Variants in PFDN1 observed in about 807,000 individuals in gnomAD.
PFDN1 encodes prefoldin subunit 1, also known as prefoldin 1.
PFDN1 carries 6 observed loss-of-function variants against 17.3 expected under a neutral mutation model. The observed-to-expected ratio is 0.35, with a 90% CI of 0.19 to 0.69. PFDN1 has a LOEUF of 0.69. Ranked by LOEUF, PFDN1 falls within the 30% of genes least tolerant of loss-of-function variation. The pLI is 0.65. For missense variants in PFDN1, 113 were observed against 146.2 expected, an observed-to-expected ratio of 0.77 and a Z score of 1.17; for synonymous variants, 58 against 50.1, an observed-to-expected ratio of 1.16 and a Z score of -0.67.
In PFDN1 at chr5:140,288,813, C is replaced by T. The variant is rs993831349; in HGVS notation, c.201-7280G>A. Among the ~76,000 whole-genome samples, 4 of 151,824 alleles carry T rather than the reference C, an allele frequency of 2.6e-5. No individual in the cohort carries two copies. In the South Asian group the frequency reaches 6.2e-4, roughly 24 times the overall value. ...CAGCCTGGACAACATGACAAAACTCCGTCTCTACTAAAAATAAAAAAAATG... is the reference window on the plus strand; with the variant it reads ...CAGCCTGGACAACATGACAAAACTCTGTCTCTACTAAAAATAAAAAAAATG... On this transcript the variant is annotated intron_variant, in intron 2 of 3. Transcript: ENST00000261813.
At chr5:140,295,865 C>T (rs1765645933) in intron 2 of PFDN1, among the ~76,000 whole-genome samples, 1 of 151,814 alleles carries the variant, frequency 6.6e-6, no homozygotes, top group Admixed American at 6.6e-5. Flanking sequence ...AAAAAAAAAT[C>T]TGACTTACAT....
At chr5:140,273,298 A>G (rs909328367) in intron 3 of PFDN1, among the ~76,000 whole-genome samples, 8 of 152,054 alleles carry the variant, frequency 5.3e-5, no homozygotes, top group African/African-American at 1.2e-4. Context: ...ACTATCATAC[A>G]GTAGAGTCCA....
intron 3 of PFDN1, among the ~76,000 whole-genome samples, chr5:140,268,062 C>T (rs977259871): frequency 2.0e-5 from 3 of 152,144 alleles, no homozygotes; most frequent in South Asian, 2.1e-4. Flanking sequence ...AGAATAGCTT[C>T]GTGAATAGTG....
chr5:140,259,058 G>A (rs1036708140), intron 3 of PFDN1, among the ~76,000 whole-genome samples: 1 of 152,188 alleles, frequency 6.6e-6, no homozygotes, highest in Admixed American at 6.5e-5. Context: ...GGAAATGTGT[G>A]TCATAGAAAC....
chr5:140,263,470 G>T (rs1398248425), intron 3 of PFDN1, among the ~76,000 whole-genome samples: 1 of 151,996 alleles, frequency 6.6e-6, no homozygotes, highest in African/African-American at 2.4e-5. Flanking sequence ...TCTTTCAATT[G>T]GTTCCACTCT....
At chr5:140,250,638 G>C (rs1764898974) in intron 3 of PFDN1, among the ~76,000 whole-genome samples, 1 of 152,172 alleles carries the variant, frequency 6.6e-6, no homozygotes. Flanking sequence ...GCACATAATA[G>C]GAATTTAATG....
At position 140,277,850 on chromosome 5, in the gene PFDN1, A is replaced by G. The variant is rs1279236087; in HGVS notation, c.285+3599T>C. 2.6e-5 allele frequency among the ~76,000 whole-genome samples: 4 copies of G among 152,378 alleles called. No individual in the cohort carries two copies. The South Asian group carries it at 8.3e-4, about 32-fold the overall frequency. ...GAGAAAAGACAAATTAACAACAATT[A>G]GACTAACAGATGACTTCTTAACAGC... On this transcript the variant is annotated intron_variant, in intron 3 of 3. Transcript: ENST00000261813.
At chr5:140,293,488 A>G (rs984140169) in intron 2 of PFDN1, among the ~76,000 whole-genome samples, 1 of 152,110 alleles carries the variant, frequency 6.6e-6, no homozygotes, top group Non-Finnish European at 1.5e-5. Flanking sequence ...AAGATAACAG[A>G]CTTTTCCCTT....
intron 2 of PFDN1, among the ~76,000 whole-genome samples, chr5:140,292,547 A>G (rs565060556): frequency 1.1e-4 from 16 of 152,304 alleles, no homozygotes; most frequent in African/African-American, 3.6e-4. Context: ...TGGTATCAGA[A>G]TACTTCAAGT....
chr5:140,280,275 A>G (rs1371239442), intron 3 of PFDN1, among the ~76,000 whole-genome samples: 1 of 152,028 alleles, frequency 6.6e-6, no homozygotes, highest in African/African-American at 2.4e-5. Context: ...TTTTATCTAC[A>G]TGAAATGATT....
At chr5:140,265,862 C>T (rs1476309969) in intron 3 of PFDN1, 2 of 152,192 alleles carry the variant, frequency 1.3e-5, no homozygotes, top group Admixed American at 1.3e-4. Context: ...AGAAGCAATG[C>T]TAATTTCATT....
chr5:140,285,994 T>A (rs961782432), intron 2 of PFDN1, among the ~76,000 whole-genome samples: 5 of 152,038 alleles, frequency 3.3e-5, no homozygotes, highest in Admixed American at 2.6e-4. Context: ...TAAATTTTTT[T>A]AAAAAAGAAT....
At chr5:140,302,848 T>C (rs184305844) in intron 1 of PFDN1, among the ~76,000 whole-genome samples, 193 bp downstream of exon 1, 16 of 152,128 alleles carry the variant, frequency 1.1e-4, no homozygotes, top group Non-Finnish European at 1.9e-4. Context: ...AACCGGCTCC[T>C]ACCCAGCAAG....
rs1208932815 is a variant in PFDN1 at position 140,245,881 on chromosome 5, T to C, written c.*93A>G. 3 of 735,404 alleles carry C rather than the reference T, an allele frequency of 4.1e-6. No individual in the cohort carries two copies. The highest frequency in any genetic ancestry group is 1.8e-5 in the African/African-American group (1 of 57,052). 45.6% of individuals were successfully genotyped at this position (735,404 alleles called of 1,614,324 possible). ...CCAGGCCATCCAAATAAAGCATCCA[T>C]CGGGGCAGAGGAGAAGCTGTTTCCC... On this transcript the variant is annotated 3_prime_UTR_variant, in exon 4 of 4. Coordinates refer to ENST00000261813, the MANE Select transcript of PFDN1 (RefSeq NM_002622.5).
intron 3 of PFDN1, among the ~76,000 whole-genome samples, chr5:140,250,986 G>C (rs934363234): frequency 6.6e-6 from 1 of 152,088 alleles, no homozygotes; most frequent in African/African-American, 2.4e-5. Context: ...CTAAGGTAGA[G>C]TGCAATGGCA....
chr5:140,268,863 T>C (rs1468246358), intron 3 of PFDN1, among the ~76,000 whole-genome samples: 1 of 152,166 alleles, frequency 6.6e-6, no homozygotes, highest in Non-Finnish European at 1.5e-5. Context: ...CCTAATGTAG[T>C]TTACCTTTAA....
At chr5:140,276,015 TTGATGA>T (rs57224353) in intron 3 of PFDN1, among the ~76,000 whole-genome samples, 3,729 of 149,338 alleles carry the variant, frequency 0.025, 52 homozygotes, top group African/African-American at 0.039. Context: ...AGAAGAGAAA[TTGATGA>T]TGATGATGAT....
rs1764916871 is a variant in PFDN1 at position 140,251,746 on chromosome 5, G to C, written c.286-5689C>G. Reference sequence around the variant, plus strand: ...TCCTGTGGGGCTCAGCATGGCCAGGGAAATGACATTGTTGGAGTTATTGCT... The same window carrying C: ...TCCTGTGGGGCTCAGCATGGCCAGGCAAATGACATTGTTGGAGTTATTGCT... On this transcript the variant is annotated intron_variant, in intron 3 of 3. Transcript: ENST00000261813. Among the ~76,000 whole-genome samples the C allele has an allele frequency of 2.6e-5, 4 of 152,266 alleles. No homozygotes were observed. In the East Asian group the frequency reaches 7.7e-4, roughly 29 times the overall value.
At chr5:140,301,248 T>C (rs965435429) in intron 1 of PFDN1, among the ~76,000 whole-genome samples, 14 of 152,186 alleles carry the variant, frequency 9.2e-5, no homozygotes, top group Non-Finnish European at 1.5e-5. Context: ...ATTCATAATA[T>C]GAACATTTTT....
Sources: gnomAD v4.1 joint callset for allele counts (sites outside exome capture counted in the v4.1 genomes callset) on GRCh38, gnomAD v4.1.1 for gene constraint, MANE v1.5 for transcripts, NCBI Gene and HGNC (gene_info 2026-07-23, HGNC 2026-07-21) for gene names.